ZFYVE9: variants seen among roughly 807,000 people sequenced by gnomAD.
ZFYVE9 encodes the protein zinc finger FYVE-type containing 9, also known as zinc finger FYVE domain-containing protein 9.
ZFYVE9 carries 43 observed loss-of-function variants against 126.7 expected under a neutral mutation model. That is an observed-to-expected ratio of 0.34 (90% CI 0.27 to 0.44). The LOEUF is 0.44. Among genes scored for constraint, ZFYVE9 ranks in the 20% least tolerant of loss-of-function variants. ZFYVE9 has a pLI of 1.00. For missense variants in ZFYVE9, 1,476 were observed against 1,697.0 expected (o/e 0.87, Z 2.29); for synonymous variants, 521 against 597.4 (o/e 0.87, Z 1.87).
In ZFYVE9 at chr1:52,238,044, A is replaced by G. The variant is rs755993265; in HGVS notation, c.627A>G (p.Ser209=). 6.2e-7 allele frequency: 1 copy of G among 1,614,000 alleles called. No homozygotes were observed. Among genetic ancestry groups the G allele is most frequent in the Admixed American group, 1.7e-5 (1 of 59,998 alleles). Residue 209 remains serine, a synonymous_variant, in exon 4 of 19, where the codon TCA becomes TCG. Transcript: ENST00000287727. ...INESTEKDMN[S]EKQMDPLNRP... ...AGTCCACTGAAAAAGATATGAATTC[A>G]GAGAAACAAATGGATCCATTGAATA...
chr1:52,281,758 G>C lies in ZFYVE9; in HGVS notation c.2967G>C (p.Lys989Asn), dbSNP rs555284450. The C allele has an allele frequency of 6.2e-7, 1 of 1,614,072 alleles. No individual in the cohort carries two copies. Among genetic ancestry groups the C allele is most frequent in the Non-Finnish European group, 8.5e-7 (1 of 1,180,032 alleles). The change falls in exon 10 of 19, where the codon AAG becomes AAC. Residue 989 changes from lysine (K) to asparagine (N), a missense_variant. By Grantham distance (94) the Lys-to-Asn change is moderately conservative. This residue lies in a region of ZFYVE9 where 669 missense variants were observed against 902.4 expected (regional missense o/e 0.74). Transcript: ENST00000287727. Reference sequence around the variant, plus strand: ...TTCTACAGTGTTTACCGGATGAAAAGTGTTTGCCAAAGGATATCTTTAATC... The same window carrying C: ...TTCTACAGTGTTTACCGGATGAAAACTGTTTGCCAAAGGATATCTTTAATC... ...VILLQCLPDE[K>N]CLPKDIFNHF... is the part of the protein sequence containing the mutation.
At chr1:52,301,291 C>CTTTTTTTTTTTTT (rs527599525) in intron 12 of ZFYVE9, among the ~76,000 whole-genome samples, 1 of 72,636 alleles carries the variant, frequency 1.4e-5, no homozygotes, top group Non-Finnish European at 2.5e-5. Context: ...CTTTTTCCAT[C>CTTTTTTTTTTTTT]TTTTTTTTTT....
intron 1 of ZFYVE9, chr1:52,179,826 CT>C: frequency 1.6e-6 from 1 of 622,878 alleles, no homozygotes; most frequent in East Asian, 3.1e-5. Flanking sequence ...GCACAGCTGG[CT>C]TCAGCAATTG....
rs967404192 is a variant in ZFYVE9, at chr1:52,142,277, G to A, written c.-269G>A. 6.6e-6 allele frequency: 1 copy of A among 151,712 alleles called. No individual in the cohort carries two copies. Among genetic ancestry groups the A allele is most frequent in the African/African-American group, 2.4e-5 (1 of 41,374 alleles). 9.4% of individuals were successfully genotyped at this position (151,712 alleles called of 1,614,324 possible). ...AGTAGCAGCCGCAGCTGCGGCTACCGCAGCTCCTACAGGAGTGGGAGGTTT... is the reference window on the plus strand; with the variant it reads ...AGTAGCAGCCGCAGCTGCGGCTACCACAGCTCCTACAGGAGTGGGAGGTTT... On this transcript the variant is annotated 5_prime_UTR_variant, in exon 1 of 19. Transcript: ENST00000287727. This position sits in a 1 kb window ranked among gnomAD's most constrained non-coding sequence, Gnocchi z 4.5.
chr1:52,145,928 T>A (rs1157336704), intron 1 of ZFYVE9, among the ~76,000 whole-genome samples: 1 of 152,014 alleles, frequency 6.6e-6, no homozygotes, highest in East Asian at 1.9e-4. Flanking sequence ...GATCTTTAAT[T>A]TTACTTGTGT....
rs1432536527 is a variant in ZFYVE9 at position 52,216,418 on chromosome 1, ACAT to A, written c.-89_-87del. 1.0e-5 allele frequency: 4 copies of A among 398,438 alleles called. No individual in the cohort carries two copies. Among genetic ancestry groups the A allele is most frequent in the Non-Finnish European group, 1.8e-5 (4 of 226,012 alleles). The allele number at this position is 398,438 out of a possible 1,614,324, so 24.7% of individuals were successfully genotyped here. On this transcript the variant is annotated 5_prime_UTR_variant, in exon 2 of 19. In the 5' UTR this introduces an upstream ATG that the reference lacks. Transcript: ENST00000287727. ...GCAGGACTGGCTGGTGGTGCAGCAG[ACAT>A]CATGAGTAAGCACCGAGAAGTCTGT...
At chr1:52,268,680 C>A in intron 7 of ZFYVE9, 48 bp downstream of exon 7, 2 of 1,582,964 alleles carry the variant, frequency 1.3e-6, no homozygotes, top group Admixed American at 1.7e-5. Flanking sequence ...CTTTACTCAG[C>A]ATTGTGCTGC....
chr1:52,249,761 C>T (rs932346531), intron 4 of ZFYVE9, among the ~76,000 whole-genome samples: 2 of 152,070 alleles, frequency 1.3e-5, no homozygotes, highest in Admixed American at 6.6e-5. Context: ...TTAGTGCTTG[C>T]GTTTAGGTCT....
Position 52,216,438 on chromosome 1 carries a change from G to GA in ZFYVE9, c.-71dup, listed in dbSNP as rs1236345757. 1 of 398,388 alleles carries GA rather than the reference G, an allele frequency of 2.5e-6. No individual in the cohort carries two copies. The highest frequency in any genetic ancestry group is 2.1e-5 in the African/African-American group (1 of 48,614). 24.7% of individuals were successfully genotyped at this position (398,388 alleles called of 1,614,324 possible). On this transcript the variant is annotated 5_prime_UTR_variant, in exon 2 of 19. The change abolishes the stop of an existing upstream ORF in the 5' untranslated region. Coordinates refer to ENST00000287727, the MANE Select transcript of ZFYVE9 (RefSeq NM_004799.4). ...AGCAGACATCATGAGTAAGCACCGAGAAGTCTGTTCCTTATCACGTGTGTA... is the reference window on the plus strand; with the variant it reads ...AGCAGACATCATGAGTAAGCACCGAGAAAGTCTGTTCCTTATCACGTGTGTA...
chr1:52,330,168 G>A (rs1646328087), intron 13 of ZFYVE9, among the ~76,000 whole-genome samples: 1 of 152,158 alleles, frequency 6.6e-6, no homozygotes, highest in Non-Finnish European at 1.5e-5. Context: ...ACTTGAGGTC[G>A]GGAGTTCGAG....
chr1:52,336,915 G>A (rs1308507900), intron 15 of ZFYVE9, among the ~76,000 whole-genome samples: 1 of 133,862 alleles, frequency 7.5e-6, no homozygotes, highest in Non-Finnish European at 1.5e-5. Flanking sequence ...CCTGTGAATA[G>A]TCACTGCGCT....
intron 1 of ZFYVE9, among the ~76,000 whole-genome samples, chr1:52,179,180 A>G (rs1644670901): frequency 6.6e-6 from 1 of 152,162 alleles, no homozygotes; most frequent in African/African-American, 2.4e-5. Flanking sequence ...GGTTTGGATG[A>G]TTGAGTGTAT....
chr1:52,175,570 A>G (rs1382692669), intron 1 of ZFYVE9, among the ~76,000 whole-genome samples: 1 of 150,876 alleles, frequency 6.6e-6, no homozygotes, highest in East Asian at 2.0e-4. Context: ...AGATTGGGGA[A>G]GTTCTCCTGG....
chr1:52,146,427 A>AT (rs1644307209), intron 1 of ZFYVE9, among the ~76,000 whole-genome samples: 1 of 152,098 alleles, frequency 6.6e-6, no homozygotes, highest in African/African-American at 2.4e-5. Flanking sequence ...CAGAACATAG[A>AT]TTTTTCCTTA....
rs1030176402 is a variant in ZFYVE9, at chr1:52,233,148, T to TG, written c.-36-22dup. ...TAAATTATATTTTAATAATTCAAAA[T>TG]GTAATACGCATTTACTTTTTAGGTT... On this transcript the variant is annotated intron_variant, in intron 2 of 18. Coordinates refer to ENST00000287727, the MANE Select transcript of ZFYVE9 (RefSeq NM_004799.4). 6.9e-5 allele frequency: 75 copies of TG among 1,081,458 alleles called. No individual in the cohort carries two copies. The African/African-American group carries it at 1.0e-3, about 15-fold the overall frequency. 67.0% of individuals were successfully genotyped at this position (1,081,458 alleles called of 1,614,324 possible). A position where few individuals can be genotyped will look rare whatever the true frequency, so the allele number is the denominator to read the frequency against.
chr1:52,220,229 C>T (rs1252347246), intron 2 of ZFYVE9, among the ~76,000 whole-genome samples: 1 of 152,134 alleles, frequency 6.6e-6, no homozygotes, highest in Non-Finnish European at 1.5e-5. Flanking sequence ...AGGTGGATGC[C>T]AGGGAGTATG....
intron 1 of ZFYVE9, among the ~76,000 whole-genome samples, chr1:52,176,007 T>G (rs2124531680): frequency 6.6e-6 from 1 of 152,372 alleles, no homozygotes; most frequent in South Asian, 2.1e-4. Context: ...GTCAAAGTCA[T>G]TCTCCATCCA....
intron 13 of ZFYVE9, among the ~76,000 whole-genome samples, chr1:52,306,083 G>A (rs1292839184): frequency 1.3e-5 from 2 of 152,268 alleles, no homozygotes; most frequent in East Asian, 3.9e-4. Context: ...CCACCTTCAG[G>A]CTAGGAAGGG....
chr1:52,227,258 G>A lies in ZFYVE9; in HGVS notation c.-36-5913G>A, dbSNP rs6658268. Among the ~76,000 whole-genome samples the A allele has an allele frequency of 3.0e-3, 456 of 152,380 alleles. 2 individuals carry two copies. Among genetic ancestry groups the A allele is most frequent in the African/African-American group, 0.01 (433 of 41,592 alleles). The stretch of plus-strand genomic sequence containing the variant: ...CCTTCTTCACCAAAACTCTGAGTCT[G>A]CAGTTGGCAAGCTATTTCTCCTCCT... On this transcript the variant is annotated intron_variant, in intron 2 of 18. Coordinates refer to ENST00000287727, the MANE Select transcript of ZFYVE9 (RefSeq NM_004799.4).
Sources: allele counts gnomAD v4.1 joint callset (sites outside exome capture counted in the v4.1 genomes callset), GRCh38; gene constraint gnomAD v4.1.1; regional missense constraint gnomAD v4.1.1; non-coding constraint Gnocchi (gnomAD v3.1); transcripts MANE v1.5; gene names NCBI Gene and HGNC (gene_info 2026-07-23, HGNC 2026-07-21).